The following STK38L variants were observed in gnomAD, a reference collection of about 807,000 sequenced individuals.
The protein encoded by STK38L is serine/threonine-protein kinase 38-like.
A neutral mutation model predicts 59.7 loss-of-function variants in STK38L; 28 were observed. The observed-to-expected ratio is 0.47, with a 90% CI of 0.35 to 0.64. The LOEUF is 0.64. STK38L is among the 30% of genes least tolerant of loss of function. STK38L has a pLI of 0.01. For missense variants in STK38L, 314 were observed against 555.8 expected, an observed-to-expected ratio of 0.56 and a Z score of 4.37; for synonymous variants, 162 against 176.8, an observed-to-expected ratio of 0.92 and a Z score of 0.66.
intron 1 of STK38L, among the ~76,000 whole-genome samples, chr12:27,254,336 T>A (rs1004681793): frequency 6.6e-6 from 1 of 152,362 alleles, no homozygotes. Flanking sequence ...TATTATTTTT[T>A]AAAAATAACA....
At chr12:27,277,491 G>A (rs567503323) in intron 1 of STK38L, among the ~76,000 whole-genome samples, 2 of 152,022 alleles carry the variant, frequency 1.3e-5, no homozygotes, top group South Asian at 2.1e-4. Flanking sequence ...TAGTGAAACC[G>A]CCTTAAAACC....
chr12:27,298,145 G>C, intron 2 of STK38L: 1 of 234,422 alleles, frequency 4.3e-6, no homozygotes, highest in East Asian at 9.4e-5. Flanking sequence ...TTCTTTTAAA[G>C]GGATGCCTGG....
At chr12:27,318,142 AT>A in intron 11 of STK38L, 123 bp downstream of exon 11, 1 of 1,201,848 alleles carries the variant, frequency 8.3e-7, no homozygotes. Context: ...AAAGAGATCA[AT>A]AAAGGTGTTT....
chr12:27,266,516 A>G (rs1943304633), intron 1 of STK38L, among the ~76,000 whole-genome samples: 1 of 152,158 alleles, frequency 6.6e-6, no homozygotes, highest in Non-Finnish European at 1.5e-5. Context: ...TTACACCTAG[A>G]TCTTTTTTTG....
At position 27,317,456 on chromosome 12, in the gene STK38L, A is replaced by G. The variant is rs1944612625; in HGVS notation, c.955+3A>G. On this transcript the variant is annotated splice_donor_region_variant and intron_variant, in intron 10 of 13. Transcript: ENST00000389032. ...GATTATGTATGAAATGCTAATAGGT[A>G]TGTTTTATCATTCATTTATGTACAA... 6.3e-7 allele frequency: 1 copy of G among 1,578,788 alleles called. No individual in the cohort carries two copies. Among genetic ancestry groups the G allele is most frequent in the Non-Finnish European group, 8.7e-7 (1 of 1,154,466 alleles).
chr12:27,290,274 T>C (rs1171163922), intron 1 of STK38L, among the ~76,000 whole-genome samples: 3 of 152,236 alleles, frequency 2.0e-5, no homozygotes, highest in Non-Finnish European at 4.4e-5. Context: ...AAGTTTAATT[T>C]GCCTAAAGTG....
intron 1 of STK38L, among the ~76,000 whole-genome samples, chr12:27,294,748 C>T (rs1343559418): frequency 2.7e-5 from 4 of 150,802 alleles, no homozygotes; most frequent in African/African-American, 9.8e-5. Context: ...GGTCTTGCTC[C>T]ATCACCCAGG....
intron 1 of STK38L, among the ~76,000 whole-genome samples, chr12:27,257,674 C>G (rs1360137649): frequency 1.3e-5 from 2 of 152,058 alleles, no homozygotes; most frequent in Non-Finnish European, 2.9e-5. Context: ...TTATTTTGCC[C>G]TTTGTATGAC....
chr12:27,254,024 A>G (rs1943034147), intron 1 of STK38L, among the ~76,000 whole-genome samples: 1 of 152,196 alleles, frequency 6.6e-6, no homozygotes, highest in South Asian at 2.1e-4. Context: ...TGTGAAATTA[A>G]ACAGAAAAAG....
chr12:27,250,554 A>G (rs1942949929), intron 1 of STK38L, among the ~76,000 whole-genome samples: 1 of 152,208 alleles, frequency 6.6e-6, no homozygotes, highest in Non-Finnish European at 1.5e-5. Context: ...CACCAGACAT[A>G]GTGCTAAGTA....
intron 1 of STK38L, among the ~76,000 whole-genome samples, chr12:27,259,981 G>A (rs570668080): frequency 6.6e-6 from 1 of 152,136 alleles, no homozygotes; most frequent in South Asian, 2.1e-4. Flanking sequence ...TTTATAGCCA[G>A]AACTCTGTTT....
Position 27,322,774 on chromosome 12 carries a change from C to T in STK38L, c.*319C>T, listed in dbSNP as rs1944762590. ...TCCATTCTGCCTGTGTGTGCTGTGG[C>T]TTTGAACTGTAACACCTCTAATCAA... is the stretch of plus-strand genomic sequence containing the variant. On this transcript the variant is annotated 3_prime_UTR_variant, in exon 14 of 14. Coordinates refer to ENST00000389032, the MANE Select transcript of STK38L (RefSeq NM_015000.4). The T allele has an allele frequency of 5.0e-6, 1 of 199,308 alleles. No homozygotes were observed. The highest frequency in any genetic ancestry group is 2.3e-5 in the African/African-American group (1 of 42,872). The allele number at this position is 199,308 out of a possible 1,614,324, so 12.3% of individuals were successfully genotyped here.
intron 1 of STK38L, among the ~76,000 whole-genome samples, chr12:27,258,175 G>GA (rs1198724053): frequency 6.6e-6 from 1 of 151,862 alleles, no homozygotes; most frequent in Non-Finnish European, 1.5e-5. Context: ...GCTTTTATTT[G>GA]AAAAAACTCT....
At chr12:27,281,666 A>G (rs1025434287) in intron 1 of STK38L, among the ~76,000 whole-genome samples, 1 of 152,244 alleles carries the variant, frequency 6.6e-6, no homozygotes, top group Non-Finnish European at 1.5e-5. Context: ...AACAGTGGTG[A>G]TAAGGATGGA....
rs1054601129 is a variant in STK38L at position 27,322,602 on chromosome 12, T to C, written c.*147T>C. On this transcript the variant is annotated 3_prime_UTR_variant, in exon 14 of 14. Coordinates refer to ENST00000389032, the MANE Select transcript of STK38L (RefSeq NM_015000.4). Reference sequence around the variant, plus strand: ...GGAAATTCTACAGGATTAGGATTTCTAAGACTACTATAGGAATTGGTTGGC... The same window carrying C: ...GGAAATTCTACAGGATTAGGATTTCCAAGACTACTATAGGAATTGGTTGGC... 8 of 1,140,098 alleles carry C rather than the reference T, an allele frequency of 7.0e-6. No individual in the cohort carries two copies. The highest frequency in any genetic ancestry group is 1.2e-6 in the Non-Finnish European group (1 of 843,580). 70.6% of individuals were successfully genotyped at this position (1,140,098 alleles called of 1,614,324 possible).
At chr12:27,265,937 A>C (rs1283896874) in intron 1 of STK38L, among the ~76,000 whole-genome samples, 1 of 152,188 alleles carries the variant, frequency 6.6e-6, no homozygotes, top group African/African-American at 2.4e-5. Context: ...TAAACTGGCA[A>C]GATAATGGAT....
chr12:27,321,989 T>C (rs1944739490), intron 12 of STK38L, among the ~76,000 whole-genome samples, 154 bp from the exon 13 acceptor site: 1 of 152,174 alleles, frequency 6.6e-6, no homozygotes, highest in South Asian at 2.1e-4. Flanking sequence ...ACTCAACTAT[T>C]TTGAACTCCC....
At chr12:27,306,228 T>G (rs921239531) in intron 3 of STK38L, among the ~76,000 whole-genome samples, 10 of 152,210 alleles carry the variant, frequency 6.6e-5, no homozygotes, top group Non-Finnish European at 1.3e-4. Flanking sequence ...AAACTGTGTA[T>G]AGTGATGTCA....
rs1369685635 is a variant in STK38L at position 27,324,023 on chromosome 12, G to C, written c.*1568G>C. 6.6e-6 allele frequency: 1 copy of C among 151,870 alleles called. No homozygotes were observed. The highest frequency in any genetic ancestry group is 1.5e-5 in the Non-Finnish European group (1 of 67,870). The allele number at this position is 151,870 out of a possible 1,614,324, so 9.4% of individuals were successfully genotyped here. ...ATTTGTAGGAATGTCTTCCTAATGG[G>C]GAAGAATTGCATAGGAGCATTATGC... is the stretch of plus-strand genomic sequence containing the variant. On this transcript the variant is annotated 3_prime_UTR_variant, in exon 14 of 14. Coordinates refer to ENST00000389032, the MANE Select transcript of STK38L (RefSeq NM_015000.4).
Sources: gnomAD v4.1 joint callset for allele counts (sites outside exome capture counted in the v4.1 genomes callset) on GRCh38, gnomAD v4.1.1 for gene constraint, MANE v1.5 for transcripts, NCBI Gene and HGNC (gene_info 2026-07-23, HGNC 2026-07-21) for gene names.